Variants in FYB1 observed in about 807,000 individuals in gnomAD.
FYB1 encodes FYN-binding protein 1.
FYB1 carries 41 observed loss-of-function variants against 94.1 expected under a neutral mutation model. That is an observed-to-expected ratio of 0.44 (90% confidence interval 0.34 to 0.57). The LOEUF is 0.57. FYB1 is among the 20% of genes least tolerant of loss of function. The pLI is 0.02. For missense variants in FYB1, 1,050 were observed against 976.8 expected, an observed-to-expected ratio of 1.07 and a Z score of -1.00; for synonymous variants, 367 against 353.2, an observed-to-expected ratio of 1.04 and a Z score of -0.44.
chr5:39,258,376 G>A (rs1367037323), intron 1 of FYB1, among the ~76,000 whole-genome samples: 1 of 152,164 alleles, frequency 6.6e-6, no homozygotes, highest in South Asian at 2.1e-4. Context: ...GAGGTAGGCA[G>A]ATCACCTGAG....
chr5:39,148,940 T>C (rs1029435230), intron 3 of FYB1, among the ~76,000 whole-genome samples: 1 of 152,218 alleles, frequency 6.6e-6, no homozygotes, highest in African/African-American at 2.4e-5. Flanking sequence ...AATTATGATG[T>C]TAAAATTATA....
chr5:39,270,923 C>CGT (rs1206016961), intron 1 of FYB1: 2 of 133,118 alleles, frequency 1.5e-5, no homozygotes, highest in African/African-American at 8.7e-5. Flanking sequence ...TTTTTGGATA[C>CGT]ATATGTGTGT....
At chr5:39,161,884 T>C (rs911860434) in intron 2 of FYB1, among the ~76,000 whole-genome samples, 4 of 152,346 alleles carry the variant, frequency 2.6e-5, no homozygotes, top group African/African-American at 7.2e-5. Flanking sequence ...AGGCAGCCAA[T>C]AATCTATTTT....
chr5:39,124,177 C>G (rs376081051), intron 13 of FYB1, 76 bp downstream of exon 13: 1 of 973,690 alleles, frequency 1.0e-6, no homozygotes, highest in Admixed American at 3.0e-5. Context: ...AATGCAGATA[C>G]TATATCCAGA....
At position 39,126,455 on chromosome 5, in the gene FYB1, G is replaced by T. The variant is rs114690770; in HGVS notation, c.1908-320C>A. The stretch of plus-strand genomic sequence containing the variant: ...TCACCCCTGTGATCCTGGCACTTTG[G>T]GAAGCCAAAGTGGGAGGATTGCTTA... On this transcript the variant is annotated intron_variant, in intron 11 of 18. Coordinates refer to ENST00000512982, the MANE Select transcript of FYB1 (RefSeq NM_001465.6). 0.032 allele frequency among the ~76,000 whole-genome samples: 4,888 copies of T among 151,932 alleles called. 276 individuals are homozygous for T. The highest frequency in any genetic ancestry group is 0.11 in the African/African-American group (4,612 of 41,404).
upstream of FYB1, among the ~76,000 whole-genome samples, chr5:39,221,932 C>A (rs373334336): frequency 2.0e-5 from 3 of 151,830 alleles, no homozygotes; most frequent in Non-Finnish European, 4.4e-5. Flanking sequence ...ACAAAGGAGG[C>A]GGAGGTTGCA....
chr5:39,216,257 C>T (rs529342438), intron 1 of FYB1, among the ~76,000 whole-genome samples: 9 of 152,026 alleles, frequency 5.9e-5, no homozygotes, highest in African/African-American at 9.7e-5. Context: ...AAACTTTTTT[C>T]GTGTGTGTGT....
At chr5:39,234,139 T>A (rs558276264) in intron 1 of FYB1, among the ~76,000 whole-genome samples, 1 of 152,238 alleles carries the variant, frequency 6.6e-6, no homozygotes, top group East Asian at 1.9e-4. Context: ...CCATATTCAC[T>A]GCCCCATCAC....
At chr5:39,248,513 C>T (rs1050339147) in intron 1 of FYB1, among the ~76,000 whole-genome samples, 8 of 151,982 alleles carry the variant, frequency 5.3e-5, no homozygotes, top group South Asian at 2.1e-4. Flanking sequence ...ACCTCGAAGA[C>T]GTAATGCTAA....
chr5:39,197,727 C>T (rs1027029507), intron 2 of FYB1, among the ~76,000 whole-genome samples: 13 of 152,244 alleles, frequency 8.5e-5, no homozygotes, highest in African/African-American at 2.7e-4. Context: ...CAGATGCCTT[C>T]GCTTGGCTTC....
intron 1 of FYB1, among the ~76,000 whole-genome samples, chr5:39,252,175 A>G (rs1277817685): frequency 2.0e-5 from 3 of 151,946 alleles, no homozygotes; most frequent in Non-Finnish European, 4.4e-5. Context: ...AAAAAATAAA[A>G]AAATAAAGAA....
chr5:39,123,506 T>C (rs925022519), intron 13 of FYB1, among the ~76,000 whole-genome samples: 1 of 152,156 alleles, frequency 6.6e-6, no homozygotes, highest in African/African-American at 2.4e-5. Context: ...AAAAATATTA[T>C]AGATTAGAAC....
chr5:39,242,758 A>G (rs1195391437), intron 1 of FYB1, among the ~76,000 whole-genome samples: 1 of 152,190 alleles, frequency 6.6e-6, no homozygotes, highest in African/African-American at 2.4e-5. Context: ...TCCCACCAAC[A>G]GTGTAAAAAT....
At chr5:39,207,838 G>A (rs1257055665) in intron 1 of FYB1, among the ~76,000 whole-genome samples, 1 of 152,162 alleles carries the variant, frequency 6.6e-6, no homozygotes, top group African/African-American at 2.4e-5. Flanking sequence ...CATTTTTGAC[G>A]AAAATGACCA....
At chr5:39,160,663 T>C (rs1328718089) in intron 2 of FYB1, among the ~76,000 whole-genome samples, 8 of 152,194 alleles carry the variant, frequency 5.3e-5, no homozygotes, top group Admixed American at 5.2e-4. Flanking sequence ...TCTCTGGGTT[T>C]TAGATTCTAT....
intron 1 of FYB1, among the ~76,000 whole-genome samples, chr5:39,236,230 A>G (rs1414627123): frequency 6.6e-6 from 1 of 152,112 alleles, no homozygotes; most frequent in Non-Finnish European, 1.5e-5. Flanking sequence ...TATGAAAATA[A>G]TCACTAGAAA....
chr5:39,110,285 T>C, intron 17 of FYB1, 71 bp downstream of exon 17: 2 of 864,646 alleles, frequency 2.3e-6, no homozygotes, highest in East Asian at 2.7e-5. Flanking sequence ...TTAAGTAATA[T>C]TATAAATATT....
At chr5:39,215,551 A>T (rs1370665485) in intron 1 of FYB1, among the ~76,000 whole-genome samples, 2 of 152,186 alleles carry the variant, frequency 1.3e-5, no homozygotes, top group Non-Finnish European at 2.9e-5. Context: ...CAGCCCAGCC[A>T]GCCAGGGGTG....
At chr5:39,191,680 G>A (rs912654584) in intron 2 of FYB1, among the ~76,000 whole-genome samples, 1 of 152,136 alleles carries the variant, frequency 6.6e-6, no homozygotes, top group African/African-American at 2.4e-5. Flanking sequence ...GCAGTTAAAT[G>A]TCTCCAACTT....
Sources: allele counts gnomAD v4.1 joint callset (sites outside exome capture counted in the v4.1 genomes callset), GRCh38; gene constraint gnomAD v4.1.1; transcripts MANE v1.5; gene names NCBI Gene and HGNC (gene_info 2026-07-23, HGNC 2026-07-21).